Variants in DGKI observed in about 807,000 individuals in gnomAD.
DGKI encodes the protein diacylglycerol kinase iota.
In DGKI, 55 loss-of-function variants were observed where a neutral mutation model predicts 147.5. The ratio of observed to expected loss-of-function variants is 0.37; its 90% CI spans 0.30 to 0.47. DGKI has a LOEUF of 0.47. Among genes scored for constraint, DGKI ranks in the 20% least tolerant of loss-of-function variants. The pLI is 1.00. For synonymous variants in DGKI, 469 were observed against 477.1 expected, an observed-to-expected ratio of 0.98 and a Z score of 0.22; for missense variants, 1,007 against 1,323.8, an observed-to-expected ratio of 0.76 and a Z score of 3.71.
intron 24 of DGKI, among the ~76,000 whole-genome samples, chr7:137,468,148 A>G (rs1422759670): frequency 6.6e-6 from 1 of 152,236 alleles, no homozygotes; most frequent in East Asian, 1.9e-4. Flanking sequence ...CAAACATTTA[A>G]TGAGTAGCTT....
At chr7:137,397,474 A>C in intron 30 of DGKI, 61 bp from the exon 31 acceptor site, 1 of 1,529,832 alleles carries the variant, frequency 6.5e-7, no homozygotes, top group Admixed American at 1.7e-5. Flanking sequence ...ACATTAACAG[A>C]AAATCTATAG....
rs1360371800 is a variant in DGKI, at chr7:137,846,425, G to A, written c.401+37C>T. The A allele has an allele frequency of 2.0e-6, 3 of 1,508,982 alleles. No individual in the cohort carries two copies. The highest frequency in any genetic ancestry group is 2.3e-5 in the South Asian group (2 of 88,692). 93.5% of individuals were successfully genotyped at this position (1,508,982 alleles called of 1,614,324 possible). A position where few individuals can be genotyped will look rare whatever the true frequency, so the allele number is the denominator to read the frequency against. The stretch of plus-strand genomic sequence containing the variant: ...GGTAGAAGAGTGGGTCTCCCGCCGC[G>A]GCGCACCTGTCTCGGCTGCCGGCTC... On this transcript the variant is annotated intron_variant, in intron 1 of 32. Coordinates refer to ENST00000614521, the MANE Select transcript of DGKI (RefSeq NM_001321708.2). The surrounding 1 kb of genome is among the most constrained non-coding windows in gnomAD (Gnocchi z 4.0).
At position 137,838,193 on chromosome 7, in the gene DGKI, C is replaced by T. The variant is rs568207526; in HGVS notation, c.401+8269G>A. Among the ~76,000 whole-genome samples the T allele has an allele frequency of 3.3e-5, 5 of 151,898 alleles. No homozygotes were observed. In the East Asian group the frequency reaches 5.8e-4, roughly 18 times the overall value. ...AATTTTTCTTGTATTTTAGTAAAGA[C>T]GGGGTTTTACCATGTTGGCCAGGAT... On this transcript the variant is annotated intron_variant, in intron 1 of 32. Coordinates refer to ENST00000614521, the MANE Select transcript of DGKI (RefSeq NM_001321708.2).
At chr7:137,545,672 A>C (rs182087459) in intron 20 of DGKI, among the ~76,000 whole-genome samples, 1 of 152,340 alleles carries the variant, frequency 6.6e-6, no homozygotes, top group Admixed American at 6.5e-5. Context: ...ATGGACCCTA[A>C]AGTATCTCAT....
At chr7:137,463,876 A>T (rs1412524394) in intron 26 of DGKI, among the ~76,000 whole-genome samples, 2 of 152,226 alleles carry the variant, frequency 1.3e-5, no homozygotes, top group Non-Finnish European at 2.9e-5. Flanking sequence ...AAGAAGTAAT[A>T]GACCTAGGGC....
chr7:137,444,979 C>T (rs1428934239), intron 27 of DGKI, among the ~76,000 whole-genome samples: 4 of 152,094 alleles, frequency 2.6e-5, no homozygotes, highest in Non-Finnish European at 4.4e-5. Context: ...ACATACTTCC[C>T]CTATTTTGAA....
intron 19 of DGKI, among the ~76,000 whole-genome samples, chr7:137,569,627 G>A (rs1010133380): frequency 2.7e-5 from 4 of 150,432 alleles, no homozygotes; most frequent in Non-Finnish European, 4.4e-5. Flanking sequence ...TACTCGGGAG[G>A]CTGAGGCAGG....
intron 30 of DGKI, among the ~76,000 whole-genome samples, chr7:137,402,580 C>T (rs1210166650): frequency 1.3e-5 from 2 of 152,338 alleles, no homozygotes; most frequent in Non-Finnish European, 2.9e-5. Flanking sequence ...TTATATATGA[C>T]GTGCCTTTTG....
chr7:137,707,149 C>T (rs1329246579), intron 1 of DGKI, among the ~76,000 whole-genome samples: 1 of 152,164 alleles, frequency 6.6e-6, no homozygotes, highest in Non-Finnish European at 1.5e-5. Flanking sequence ...TAAATGCCAC[C>T]ACTCCTCCCT....
At chr7:137,722,518 C>T in intron 1 of DGKI, 1 of 1,609,762 alleles carries the variant, frequency 6.2e-7, no homozygotes, top group South Asian at 1.1e-5. Flanking sequence ...TGTGACTGGA[C>T]CTCTGGTCCT....
intron 27 of DGKI, among the ~76,000 whole-genome samples, chr7:137,457,055 C>G (rs993295654): frequency 1.3e-5 from 2 of 152,090 alleles, no homozygotes; most frequent in African/African-American, 4.8e-5. Context: ...ATTTCAAACT[C>G]AAGGTAAGTC....
intron 21 of DGKI, among the ~76,000 whole-genome samples, chr7:137,510,218 T>G (rs1205292139): frequency 3.9e-5 from 6 of 152,254 alleles, no homozygotes; most frequent in Non-Finnish European, 8.8e-5. Context: ...GTAAGTTTAA[T>G]GACAATGATG....
intron 20 of DGKI, among the ~76,000 whole-genome samples, chr7:137,526,992 C>T (rs1371267418): frequency 6.6e-6 from 1 of 152,136 alleles, no homozygotes; most frequent in East Asian, 1.9e-4. Flanking sequence ...CTCATTCTGT[C>T]ACTGGAAACA....
At chr7:137,581,801 C>G in intron 15 of DGKI, 49 bp downstream of exon 15, 1 of 1,499,752 alleles carries the variant, frequency 6.7e-7, no homozygotes, top group South Asian at 1.1e-5. Context: ...TGCAAAACAC[C>G]TGCTAGAAAC....
chr7:137,759,806 TCTC>T lies in DGKI; in HGVS notation c.402-69807_402-69805del, dbSNP rs1269373164. 2.6e-5 allele frequency among the ~76,000 whole-genome samples: 4 copies of T among 152,054 alleles called. No individual in the cohort carries two copies. The East Asian group carries it at 7.7e-4, about 29-fold the overall frequency. ...TTCTCCCTTTCTTTCTCTGTTTCTC[TCTC>T]CTCCTTTTCGTCCCTCCCTCCCTCA... On this transcript the variant is annotated intron_variant, in intron 1 of 32. Coordinates refer to ENST00000614521, the MANE Select transcript of DGKI (RefSeq NM_001321708.2).
intron 21 of DGKI, among the ~76,000 whole-genome samples, chr7:137,501,940 C>A (rs913142872): frequency 6.6e-6 from 1 of 152,124 alleles, no homozygotes; most frequent in African/African-American, 2.4e-5. Context: ...CCATGCTGTT[C>A]TCATGATAGT....
intron 20 of DGKI, chr7:137,546,095 G>A (rs768155983): frequency 2.6e-5 from 14 of 546,412 alleles, no homozygotes; most frequent in Non-Finnish European, 3.9e-5. Context: ...ACCGAACAGC[G>A]AAGGAAAGGA....
chr7:137,444,025 A>G (rs984869808), intron 28 of DGKI, 52 bp downstream of exon 28: 2 of 1,477,872 alleles, frequency 1.4e-6, no homozygotes, highest in South Asian at 1.3e-5. Flanking sequence ...TGCAAAGACC[A>G]GGGGTCAAGT....
At chr7:137,554,786 C>T (rs1013601958) in intron 19 of DGKI, among the ~76,000 whole-genome samples, 7 of 151,452 alleles carry the variant, frequency 4.6e-5, no homozygotes, top group East Asian at 1.9e-4. Flanking sequence ...ACAAAGTACC[C>T]GAAGGAAAAA....
Sources: allele counts gnomAD v4.1 joint callset (sites outside exome capture counted in the v4.1 genomes callset), GRCh38; gene constraint gnomAD v4.1.1; non-coding constraint Gnocchi (gnomAD v3.1); transcripts MANE v1.5; gene names NCBI Gene and HGNC (gene_info 2026-07-23, HGNC 2026-07-21).